Variants in SART1 observed in about 807,000 individuals in gnomAD.
The protein encoded by SART1 is spliceosome associated factor 1, recruiter of U4/U6.U5 tri-snRNP.
In SART1, 28 loss-of-function variants were observed where a neutral mutation model predicts 105.0. The ratio of observed to expected loss-of-function variants is 0.27; its 90% CI spans 0.20 to 0.37. The LOEUF (loss-of-function observed/expected upper bound fraction) is 0.37, where lower values mean the gene tolerates loss of function less well. Among genes scored for constraint, SART1 ranks in the 10% least tolerant of loss-of-function variants. SART1 has a pLI of 1.00. For missense variants in SART1, 894 were observed against 1,106.5 expected (o/e 0.81, Z 2.72); for synonymous variants, 472 against 462.9 (o/e 1.02, Z -0.25).
chr11:65,973,999 C>G (rs1042104870), intron 12 of SART1, among the ~76,000 whole-genome samples: 3 of 151,962 alleles, frequency 2.0e-5, no homozygotes, highest in African/African-American at 7.3e-5. Context: ...CAAGTCTGGG[C>G]AGGGCATTAG....
intron 2 of SART1, 30 bp from the exon 3 acceptor site, chr11:65,964,485 G>A (rs748958097): frequency 6.2e-7 from 1 of 1,612,854 alleles, no homozygotes; most frequent in East Asian, 2.2e-5. Flanking sequence ...GTCTTTAATA[G>A]CCCCTAACAC....
chr11:65,962,747 G>A (rs992483004), intron 1 of SART1, among the ~76,000 whole-genome samples: 1 of 152,210 alleles, frequency 6.6e-6, no homozygotes, highest in African/African-American at 2.4e-5. Context: ...AACCAGGAGG[G>A]CTATAGGCCA....
intron 12 of SART1, among the ~76,000 whole-genome samples, chr11:65,969,324 G>A (rs530104928): frequency 8.5e-5 from 13 of 152,262 alleles, no homozygotes; most frequent in African/African-American, 2.9e-4. Flanking sequence ...TAGTTTGCCC[G>A]GCTAAAAAGG....
rs144548769 is a variant in SART1, at chr11:65,966,485, C to T, written c.1117C>T (p.Arg373Trp). 6.2e-6 allele frequency: 10 copies of T among 1,606,672 alleles called. No homozygotes were observed. Among genetic ancestry groups the T allele is most frequent in the African/African-American group, 5.3e-5 (4 of 74,854 alleles). Residue 373 changes from arginine (R) to tryptophan (W), a missense_variant, in exon 9 of 20, where the codon CGG becomes TGG. This residue lies in a region of SART1 where 712 missense variants were observed against 778.2 expected (regional missense o/e 0.91). Transcript: ENST00000312397. ...RELEEIRAKL[R>W]LQAQSLSTVG... is the part of the protein sequence containing the mutation. ...GCTGGAGGAGATCCGGGCCAAGCTGCGGCTGCAGGCTCAGTCCCTGAGCAC... is the reference window on the plus strand; with the variant it reads ...GCTGGAGGAGATCCGGGCCAAGCTGTGGCTGCAGGCTCAGTCCCTGAGCAC...
At chr11:65,975,101 CTTTT>C (rs549348095) in intron 12 of SART1, among the ~76,000 whole-genome samples, 5 of 128,126 alleles carry the variant, frequency 3.9e-5, no homozygotes, top group Admixed American at 3.2e-4. Context: ...TCCTGGAAGA[CTTTT>C]TTTTTTTTTT....
In SART1 at chr11:65,976,431, C is replaced by T. The variant is rs563457471; in HGVS notation, c.1609C>T (p.Arg537Trp). Reference sequence around the variant, plus strand: ...TGTGAAGAAGCTGGAGTCTCGCCAGCGGGGCTGGGAGGAGGATGAGGATCC... The same window carrying T: ...TGTGAAGAAGCTGGAGTCTCGCCAGTGGGGCTGGGAGGAGGATGAGGATCC... The part of the protein sequence containing the change: ...EIVKKLESRQ[R>W]GWEEDEDPER... The change falls in exon 13 of 20, where the codon CGG (arginine) becomes TGG (tryptophan). Residue 537 changes from arginine (R) to tryptophan (W), a missense_variant. Around this residue, in one of 2 missense-constraint regions of SART1, gnomAD observed 712 missense variants for 778.2 expected, o/e 0.91. Coordinates refer to ENST00000312397, the MANE Select transcript of SART1 (RefSeq NM_005146.5). This position sits in a 1 kb window ranked among gnomAD's most constrained non-coding sequence, Gnocchi z 5.1. The T allele has an allele frequency of 8.3e-6, 13 of 1,561,862 alleles. No homozygotes were observed. The Admixed American group carries it at 1.2e-4, about 14-fold the overall frequency.
intron 17 of SART1, 22 bp downstream of exon 17, chr11:65,977,921 C>A: frequency 1.3e-6 from 2 of 1,577,016 alleles, no homozygotes; most frequent in Non-Finnish European, 1.7e-6. Context: ...CTTTTGCAGG[C>A]GGAGGCCCGG....
In SART1 at chr11:65,976,292, G is replaced by A. The variant is rs930388312; in HGVS notation, c.1573-103G>A. ...AGCTGGGCCTGCATGGGCTGTGGGC[G>A]TGGCCTGTCTGGCTGCTGCCAGGGA... On this transcript the variant is annotated intron_variant, in intron 12 of 19. Transcript: ENST00000312397. This position sits in a 1 kb window ranked among gnomAD's most constrained non-coding sequence, Gnocchi z 5.1. 4.4e-5 allele frequency: 54 copies of A among 1,238,976 alleles called. No homozygotes were observed. The highest frequency in any genetic ancestry group is 3.0e-4 in the Admixed American group (10 of 32,952). The allele number at this position is 1,238,976 out of a possible 1,614,324, so 76.7% of individuals were successfully genotyped here.
rs147646312 is a variant in SART1, at chr11:65,968,737, G to T, written c.1572+916G>T. Among the ~76,000 whole-genome samples the T allele has an allele frequency of 3.3e-5, 5 of 152,286 alleles. 1 individual carries two copies. Among genetic ancestry groups the T allele is most frequent in the African/African-American group, 1.2e-4 (5 of 41,550 alleles). On this transcript the variant is annotated intron_variant, in intron 12 of 19. Transcript: ENST00000312397. The stretch of plus-strand genomic sequence containing the variant: ...AGAAGTGACCTTAGAGTGCCTGAGG[G>T]CCAGGGAGGCTGGAGCAGAGCAGAG...
In SART1 at chr11:65,976,818, A is replaced by G; in HGVS notation, c.1857+52A>G. The G allele has an allele frequency of 6.9e-7, 1 of 1,443,956 alleles. No individual in the cohort carries two copies. The highest frequency in any genetic ancestry group is 1.2e-5 in the South Asian group (1 of 81,802). The allele number at this position is 1,443,956 out of a possible 1,614,324, so 89.4% of individuals were successfully genotyped here. A position where few individuals can be genotyped will look rare whatever the true frequency, so the allele number is the denominator to read the frequency against. On this transcript the variant is annotated intron_variant, in intron 14 of 19. Transcript: ENST00000312397. This position sits in a 1 kb window ranked among gnomAD's most constrained non-coding sequence, Gnocchi z 5.1. The stretch of plus-strand genomic sequence containing the variant: ...GCGTTTGGGGGTGCTCAAGCTGGAG[A>G]TGAGCACCGGGCTCGGTGTCCAGAG...
chr11:65,965,053 A>C, intron 3 of SART1, 39 bp from the exon 4 acceptor site: 1 of 1,539,852 alleles, frequency 6.5e-7, no homozygotes, highest in Non-Finnish European at 8.7e-7. Flanking sequence ...CCCACCAGCC[A>C]TGGGCGGGCA....
At chr11:65,964,923 G>T (rs1246269382) in intron 3 of SART1, 169 bp from the exon 4 acceptor site, 1 of 826,786 alleles carries the variant, frequency 1.2e-6, no homozygotes, top group Non-Finnish European at 1.8e-6. Flanking sequence ...GTGCTGCATG[G>T]GTTGGCCAGG....
chr11:65,962,120 G>A, intron 1 of SART1, 27 bp downstream of exon 1: 1 of 1,128,164 alleles, frequency 8.9e-7, no homozygotes, highest in Non-Finnish European at 1.2e-6. Context: ...TGCGCAGGGG[G>A]CGGGTCGGGC....
rs1271223343 is a variant in SART1 at position 65,976,200 on chromosome 11, G to A, written c.1573-195G>A. ...CATTCAAAGGGCATCCAAACCCATTGATGGGTTTGGAGCAGAAGAGTGACC... is the reference window on the plus strand; with the variant it reads ...CATTCAAAGGGCATCCAAACCCATTAATGGGTTTGGAGCAGAAGAGTGACC... On this transcript the variant is annotated intron_variant, in intron 12 of 19. Transcript: ENST00000312397. This position sits in a 1 kb window ranked among gnomAD's most constrained non-coding sequence, Gnocchi z 5.1. Among the ~76,000 whole-genome samples the A allele has an allele frequency of 6.6e-6, 1 of 152,166 alleles. No homozygotes were observed. Among genetic ancestry groups the A allele is most frequent in the Non-Finnish European group, 1.5e-5 (1 of 68,032 alleles).
At chr11:65,968,110 C>T (rs560619038) in intron 12 of SART1, among the ~76,000 whole-genome samples, 37 of 152,184 alleles carry the variant, frequency 2.4e-4, no homozygotes, top group African/African-American at 7.9e-4. Flanking sequence ...CCACCAGACC[C>T]GGCTAATTTT....
At chr11:65,967,144 C>T (rs146054065) in intron 9 of SART1, 115 bp from the exon 10 acceptor site, 29 of 1,442,436 alleles carry the variant, frequency 2.0e-5, no homozygotes, top group East Asian at 4.6e-5. Context: ...GTGTGGGAAG[C>T]GCTCAGGACG....
Position 65,961,769 on chromosome 11 carries a change from G to C in SART1, c.-12G>C, listed in dbSNP as rs747305007. ...GCTCGGCGGCAGCCGGGCTCGGAGT[G>C]GACGTGCCACTATGGGGTCGTCCAA... is the stretch of plus-strand genomic sequence containing the variant. On this transcript the variant is annotated 5_prime_UTR_variant, in exon 1 of 20. Coordinates refer to ENST00000312397, the MANE Select transcript of SART1 (RefSeq NM_005146.5). The C allele has an allele frequency of 6.7e-7, 1 of 1,499,660 alleles. No individual in the cohort carries two copies. The highest frequency in any genetic ancestry group is 1.3e-5 in the South Asian group (1 of 75,970). 92.9% of individuals were successfully genotyped at this position (1,499,660 alleles called of 1,614,324 possible).
At position 65,967,339 on chromosome 11, in the gene SART1, G is replaced by C; in HGVS notation, c.1269G>C (p.Leu423Phe). ...AGGTAGTAGTGCGGGCAGATGACTT[G>C]CTGCCTCTCGGGGACCAGACTCAGG... ...EKEVVVRADD[L>F]LPLGDQTQDG... The change falls in exon 10 of 20, where the codon TTG (leucine) becomes TTC (phenylalanine). Residue 423 changes from leucine (L) to phenylalanine (F), a missense_variant. This residue lies in a region of SART1 where 712 missense variants were observed against 778.2 expected (regional missense o/e 0.91). Coordinates refer to ENST00000312397, the MANE Select transcript of SART1 (RefSeq NM_005146.5). The C allele has an allele frequency of 6.2e-7, 1 of 1,614,180 alleles. No individual in the cohort carries two copies.
At chr11:65,974,681 A>G (rs1354526322) in intron 12 of SART1, among the ~76,000 whole-genome samples, 1 of 151,968 alleles carries the variant, frequency 6.6e-6, no homozygotes, top group Non-Finnish European at 1.5e-5. Context: ...GGTCTCAATA[A>G]ATAAGTAGCA....
Sources: gnomAD v4.1 joint callset for allele counts (sites outside exome capture counted in the v4.1 genomes callset) on GRCh38, gnomAD v4.1.1 for gene constraint, gnomAD v4.1.1 regional missense constraint, Gnocchi (gnomAD v3.1) non-coding constraint, MANE v1.5 for transcripts, NCBI Gene and HGNC (gene_info 2026-07-23, HGNC 2026-07-21) for gene names.